The following CCNT1 variants were observed in gnomAD, a reference collection of about 807,000 sequenced individuals.
CCNT1 encodes the protein cyclin-T1.
In CCNT1, 18 loss-of-function variants were observed where a neutral mutation model predicts 67.3. That is an observed-to-expected ratio of 0.27 (90% confidence interval 0.18 to 0.40). CCNT1 has a LOEUF of 0.40. CCNT1 is among the 10% of genes least tolerant of loss of function. The pLI is 1.00. For synonymous variants in CCNT1, 333 were observed against 310.3 expected (o/e 1.07, Z -0.77); for missense variants, 744 against 884.9 (o/e 0.84, Z 2.02).
chr12:48,710,781 T>C (rs1287771511), intron 2 of CCNT1, among the ~76,000 whole-genome samples: 1 of 152,072 alleles, frequency 6.6e-6, no homozygotes, highest in Non-Finnish European at 1.5e-5. Flanking sequence ...TAAAAAGATA[T>C]GGCCTGGCAC....
At chr12:48,702,522 C>A (rs926839115) in intron 3 of CCNT1, among the ~76,000 whole-genome samples, 1 of 152,234 alleles carries the variant, frequency 6.6e-6, no homozygotes, top group Non-Finnish European at 1.5e-5. Context: ...CGGTGGCTCA[C>A]GCCAGTAATC....
At chr12:48,712,595 TAAAAAA>T (rs759919820) in intron 2 of CCNT1, among the ~76,000 whole-genome samples, 1,182 of 33,424 alleles carry the variant, frequency 0.035, 35 homozygotes, top group Non-Finnish European at 0.046. Context: ...AAAAAAAAAA[TAAAAAA>T]AAAAAAAAAA....
At chr12:48,703,388 A>G (rs1327835602) in intron 3 of CCNT1, among the ~76,000 whole-genome samples, 1 of 151,958 alleles carries the variant, frequency 6.6e-6, no homozygotes, top group Non-Finnish European at 1.5e-5. Context: ...AGCCTGACCA[A>G]CATGGAGAAA....
At chr12:48,705,008 C>T (rs1297160079) in intron 3 of CCNT1, among the ~76,000 whole-genome samples, 1 of 152,046 alleles carries the variant, frequency 6.6e-6, no homozygotes, top group African/African-American at 2.4e-5. Context: ...GTCCCAGGTG[C>T]CAAAAAAGGT....
In CCNT1 at chr12:48,690,827, G is replaced by T. The variant is rs755925225; in HGVS notation, c.*2206C>A. On this transcript the variant is annotated 3_prime_UTR_variant, in exon 9 of 9. Coordinates refer to ENST00000261900, the MANE Select transcript of CCNT1 (RefSeq NM_001240.4). Reference sequence around the variant, plus strand: ...TGTGATTAGAAAATATGTGACATTTGATGAGAGTAACTAAAAGCTGGAAAA... The same window carrying T: ...TGTGATTAGAAAATATGTGACATTTTATGAGAGTAACTAAAAGCTGGAAAA... 6.6e-5 allele frequency: 10 copies of T among 152,186 alleles called. No homozygotes were observed. Among genetic ancestry groups the T allele is most frequent in the Non-Finnish European group, 1.3e-4 (9 of 68,032 alleles). 9.4% of individuals were successfully genotyped at this position (152,186 alleles called of 1,614,324 possible).
chr12:48,713,126 A>C (rs996132499), intron 2 of CCNT1, among the ~76,000 whole-genome samples: 2 of 152,088 alleles, frequency 1.3e-5, no homozygotes, highest in Non-Finnish European at 2.9e-5. Context: ...ACTATTTATA[A>C]TTCTGTACAA....
chr12:48,692,947 AT>A lies in CCNT1; in HGVS notation c.*85del. The A allele has an allele frequency of 1.2e-6, 1 of 838,894 alleles. No individual in the cohort carries two copies. Among genetic ancestry groups the A allele is most frequent in the Middle Eastern group, 3.7e-4 (1 of 2,692 alleles). The allele number at this position is 838,894 out of a possible 1,614,324, so 52.0% of individuals were successfully genotyped here. A position where few individuals can be genotyped will look rare whatever the true frequency, so the allele number is the denominator to read the frequency against. ...CCCTAGTCCAAGGATGACATATTTC[AT>A]AAGTAATTTTCTTAGTCCAAAAAAA... is the stretch of plus-strand genomic sequence containing the variant. On this transcript the variant is annotated 3_prime_UTR_variant, in exon 9 of 9. Coordinates refer to ENST00000261900, the MANE Select transcript of CCNT1 (RefSeq NM_001240.4).
At chr12:48,694,983 C>T (rs1940146174) in intron 8 of CCNT1, among the ~76,000 whole-genome samples, 3 of 152,310 alleles carry the variant, frequency 2.0e-5, no homozygotes, top group South Asian at 4.1e-4. Flanking sequence ...ATCACCATGC[C>T]TGGCTAATTT....
intron 6 of CCNT1, 86 bp from the exon 7 acceptor site, chr12:48,696,248 A>T (rs1210227325): frequency 4.1e-6 from 3 of 737,746 alleles, no homozygotes; most frequent in Non-Finnish European, 6.1e-6. Context: ...TTAAAAAAAA[A>T]AAAAAAAAAA....
At chr12:48,704,666 G>A (rs1940327099) in intron 3 of CCNT1, among the ~76,000 whole-genome samples, 1 of 152,156 alleles carries the variant, frequency 6.6e-6, no homozygotes, top group African/African-American at 2.4e-5. Context: ...AAAATTAGCT[G>A]TGTGTGGTGG....
intron 8 of CCNT1, among the ~76,000 whole-genome samples, chr12:48,694,925 G>C (rs1296026871): frequency 6.6e-6 from 1 of 152,180 alleles, no homozygotes; most frequent in Non-Finnish European, 1.5e-5. Flanking sequence ...CCGAGTTCAA[G>C]CGATTCTCCT....
rs774739874 is a variant in CCNT1, at chr12:48,714,531, T to C, written c.162-7A>G. ...GTTGATAGTCAATTGTGAGCTGAAG[T>C]GTTCAAGTTAAGATCCAAAAACAGG... On this transcript the variant is annotated splice_region_variant and splice_polypyrimidine_tract_variant and intron_variant, in intron 1 of 8. Transcript: ENST00000261900. The C allele has an allele frequency of 2.5e-6, 4 of 1,595,094 alleles. No homozygotes were observed. In the South Asian group the frequency reaches 4.4e-5, roughly 18 times the overall value.
chr12:48,712,759 G>A (rs1054736657), intron 2 of CCNT1, among the ~76,000 whole-genome samples: 2 of 151,840 alleles, frequency 1.3e-5, no homozygotes, highest in African/African-American at 2.4e-5. Flanking sequence ...GGCCAACGTG[G>A]TGAAACCTCG....
intron 3 of CCNT1, among the ~76,000 whole-genome samples, chr12:48,701,661 G>A (rs535817655): frequency 6.6e-6 from 1 of 151,736 alleles, no homozygotes; most frequent in African/African-American, 2.4e-5. Flanking sequence ...AGGCTGGAGT[G>A]CAATGGCACA....
rs752671890 is a variant in CCNT1, at chr12:48,693,571, C to T, written c.1643G>A (p.Ser548Asn). ...GNKRPGDPKHSSQTSNLAHKT... is the reference protein window; with the variant it reads ...GNKRPGDPKHNSQTSNLAHKT... ...ATGTGCTAAGTTGCTTGTCTGGCTA[C>T]TATGTTTTGGATCACCAGGACGTTT... The change falls in exon 9 of 9, where the codon AGT becomes AAT. Residue 548 changes from serine (S) to asparagine (N), a missense_variant. Ser to Asn is a conservative substitution (Grantham distance 46). Transcript: ENST00000261900. The T allele has an allele frequency of 3.4e-5, 55 of 1,613,992 alleles. No homozygotes were observed. The highest frequency in any genetic ancestry group is 4.6e-5 in the Non-Finnish European group (54 of 1,180,030).
chr12:48,705,997 T>G, intron 2 of CCNT1, 101 bp from the exon 3 acceptor site: 3 of 1,185,258 alleles, frequency 2.5e-6, no homozygotes, highest in Non-Finnish European at 3.5e-6. Context: ...GTTATTTGCT[T>G]GCCTCAACTT....
rs113250256 is a variant in CCNT1, at chr12:48,705,600, C to T, written c.372+168G>A. The stretch of plus-strand genomic sequence containing the variant: ...CTGATTTTCTTACTGTTAAGAAAAA[C>T]ACAAACACTAAAATATTCTTTTAAC... On this transcript the variant is annotated intron_variant, in intron 3 of 8. Coordinates refer to ENST00000261900, the MANE Select transcript of CCNT1 (RefSeq NM_001240.4). 2,741 of 631,638 alleles carry T rather than the reference C, an allele frequency of 4.3e-3. 71 individuals carry two copies. In the African/African-American group the frequency reaches 0.045, roughly 10 times the overall value. The allele number at this position is 631,638 out of a possible 1,614,324, so 39.1% of individuals were successfully genotyped here.
chr12:48,715,433 T>C (rs1458693792), intron 1 of CCNT1, among the ~76,000 whole-genome samples: 1 of 151,984 alleles, frequency 6.6e-6, no homozygotes, highest in Admixed American at 6.6e-5. Context: ...CAAACAAAAA[T>C]ATGTGGGAGA....
intron 2 of CCNT1, among the ~76,000 whole-genome samples, chr12:48,706,182 A>G (rs117908226): frequency 2.0e-5 from 3 of 152,336 alleles, no homozygotes; most frequent in Non-Finnish European, 4.4e-5. Context: ...GAGATTCTTT[A>G]TTAAGTTTGT....
Sources: gnomAD v4.1 joint callset for allele counts (sites outside exome capture counted in the v4.1 genomes callset) on GRCh38, gnomAD v4.1.1 for gene constraint, MANE v1.5 for transcripts, NCBI Gene and HGNC (gene_info 2026-07-23, HGNC 2026-07-21) for gene names.